The following GRM3 variants were observed in gnomAD, a reference collection of about 807,000 sequenced individuals.
The protein encoded by GRM3 is glutamate metabotropic receptor 3, also known as metabotropic glutamate receptor 3.
Under a neutral mutation model 70.5 loss-of-function variants are expected in GRM3, and 26 were observed. That is an observed-to-expected ratio of 0.37 (90% confidence interval 0.27 to 0.51). GRM3 has a LOEUF of 0.51. GRM3 is among the 20% of genes least tolerant of loss of function. The probability of loss-of-function intolerance (pLI) is 0.93; values close to 1 mark genes in which losing one functional copy is unlikely to be tolerated. For synonymous variants in GRM3, 443 were observed against 434.9 expected (o/e 1.02, Z -0.23); for missense variants, 859 against 1,123.8 (o/e 0.76, Z 3.37).
intron 3 of GRM3, among the ~76,000 whole-genome samples, chr7:86,818,700 A>C (rs1798062776): frequency 1.3e-5 from 2 of 152,130 alleles, no homozygotes; most frequent in Non-Finnish European, 1.5e-5. Flanking sequence ...AGATATTATT[A>C]AGTAAAAAAT....
intron 1 of GRM3, among the ~76,000 whole-genome samples, chr7:86,721,082 G>T (rs1432728702): frequency 6.6e-6 from 1 of 151,974 alleles, no homozygotes; most frequent in African/African-American, 2.4e-5. Context: ...TCACCTGCCT[G>T]GGCCGCTAAC....
chr7:86,784,446 A>C (rs996545947), intron 2 of GRM3: 1 of 152,132 alleles, frequency 6.6e-6, no homozygotes, highest in Non-Finnish European at 1.5e-5. Flanking sequence ...CTAGCCAGAA[A>C]CCTCTTAACA....
intron 2 of GRM3, among the ~76,000 whole-genome samples, chr7:86,769,765 G>T (rs1221356584): frequency 6.6e-6 from 1 of 152,146 alleles, no homozygotes; most frequent in Non-Finnish European, 1.5e-5. Context: ...AGTACAACAA[G>T]CCAGTCTGCT....
chr7:86,862,215 T>C (rs896591790), intron 5 of GRM3, among the ~76,000 whole-genome samples: 3 of 152,148 alleles, frequency 2.0e-5, no homozygotes, highest in Non-Finnish European at 2.9e-5. Context: ...AAGTAGGCAG[T>C]TGGATACAAA....
intron 2 of GRM3, among the ~76,000 whole-genome samples, chr7:86,766,094 A>G (rs1427665296): frequency 6.6e-6 from 1 of 152,150 alleles, no homozygotes; most frequent in Non-Finnish European, 1.5e-5. Flanking sequence ...CTGACATCCC[A>G]TTAGCAAAAG....
intron 3 of GRM3, among the ~76,000 whole-genome samples, chr7:86,807,645 G>A (rs1797823437): frequency 6.6e-6 from 1 of 152,084 alleles, no homozygotes; most frequent in South Asian, 2.1e-4. Context: ...GGGATTTTGG[G>A]CTGAGATGAT....
intron 1 of GRM3, among the ~76,000 whole-genome samples, chr7:86,727,740 T>G (rs1022814336): frequency 2.0e-5 from 3 of 152,126 alleles, no homozygotes; most frequent in African/African-American, 7.2e-5. Flanking sequence ...TCAGTCCCCA[T>G]ATGTATGAGT....
intron 1 of GRM3, among the ~76,000 whole-genome samples, chr7:86,759,533 G>A (rs532890803): frequency 6.6e-6 from 1 of 152,216 alleles, no homozygotes; most frequent in African/African-American, 2.4e-5. Flanking sequence ...CTGTGTGTGA[G>A]GCACTGTGGA....
At chr7:86,682,413 A>G (rs961048629) in intron 1 of GRM3, among the ~76,000 whole-genome samples, 26 of 152,304 alleles carry the variant, frequency 1.7e-4, no homozygotes, top group Admixed American at 5.9e-4. Context: ...CTATGTACCC[A>G]GTAAGATAAA....
chr7:86,825,077 T>C (rs1798204075), intron 3 of GRM3, among the ~76,000 whole-genome samples: 1 of 152,198 alleles, frequency 6.6e-6, no homozygotes, highest in African/African-American at 2.4e-5. Context: ...TTTATTCTTT[T>C]CATTTTTTTG....
At chr7:86,776,189 G>A (rs994267435) in intron 2 of GRM3, among the ~76,000 whole-genome samples, 7 of 152,102 alleles carry the variant, frequency 4.6e-5, no homozygotes, top group Non-Finnish European at 8.8e-5. Flanking sequence ...TGCTTCATAT[G>A]TTTTCATTTA....
At chr7:86,708,963 A>ATT (rs1795127759) in intron 1 of GRM3, among the ~76,000 whole-genome samples, 2 of 150,948 alleles carry the variant, frequency 1.3e-5, no homozygotes, top group African/African-American at 4.9e-5. Flanking sequence ...ACACACACAA[A>ATT]CAGAGTTAAA....
chr7:86,660,495 T>C (rs865836510), intron 1 of GRM3, among the ~76,000 whole-genome samples: 2 of 151,994 alleles, frequency 1.3e-5, no homozygotes, highest in African/African-American at 4.8e-5. Context: ...AAAAACAGAA[T>C]GCTTGATAAT....
Position 86,746,375 on chromosome 7 carries a change from A to ATATATATATAT in GRM3, c.-140-18631_-140-18630insTATATATATAT, listed in dbSNP as rs1562846667. Among the ~76,000 whole-genome samples the ATATATATATAT allele has an allele frequency of 1.9e-3, 265 of 136,882 alleles. 1 individual carries two copies. Among genetic ancestry groups the ATATATATATAT allele is most frequent in the Middle Eastern group, 3.8e-3 (1 of 266 alleles). 89.8% of individuals were successfully genotyped at this position (136,882 alleles called of 152,430 possible). A position where few individuals can be genotyped will look rare whatever the true frequency, so the allele number is the denominator to read the frequency against. On this transcript the variant is annotated intron_variant, in intron 1 of 5. Transcript: ENST00000361669. ...TATATATATATATATATATATATATAATCACTTCAATAGAATTCTGTGCTG... is the reference window on the plus strand; with the variant it reads ...TATATATATATATATATATATATATATATATATATATATCACTTCAATAGAATTCTGTGCTG...
chr7:86,709,379 A>C (rs113420715), intron 1 of GRM3, among the ~76,000 whole-genome samples: 2,993 of 151,846 alleles, frequency 0.02, 83 homozygotes, highest in African/African-American at 0.06. Context: ...CCAGCTAATC[A>C]CTCATCTTAT....
At chr7:86,745,650 G>T (rs773476139) in intron 1 of GRM3, among the ~76,000 whole-genome samples, 1 of 152,072 alleles carries the variant, frequency 6.6e-6, no homozygotes, top group African/African-American at 2.4e-5. Context: ...GGCTTTTGGA[G>T]TGGAAAAATT....
At chr7:86,780,267 T>C (rs1273855396) in intron 2 of GRM3, among the ~76,000 whole-genome samples, 1 of 152,218 alleles carries the variant, frequency 6.6e-6, no homozygotes, top group African/African-American at 2.4e-5. Context: ...CAAATGGTAT[T>C]TCTAGTTCTA....
intron 1 of GRM3, among the ~76,000 whole-genome samples, chr7:86,646,674 C>A (rs1212315722): frequency 1.3e-5 from 2 of 152,022 alleles, no homozygotes; most frequent in Non-Finnish European, 2.9e-5. Flanking sequence ...AAATGTGAAA[C>A]CTAAATCATA....
In GRM3 at chr7:86,644,817, C is replaced by T. The variant is rs1287674430; in HGVS notation, c.-196C>T. The T allele has an allele frequency of 8.5e-6, 11 of 1,289,570 alleles. No homozygotes were observed. Among genetic ancestry groups the T allele is most frequent in the African/African-American group, 1.5e-5 (1 of 65,856 alleles). 79.9% of individuals were successfully genotyped at this position (1,289,570 alleles called of 1,614,324 possible). A position where few individuals can be genotyped will look rare whatever the true frequency, so the allele number is the denominator to read the frequency against. On this transcript the variant is annotated 5_prime_UTR_variant, in exon 1 of 6. Transcript: ENST00000361669. ...AGCCAGAGCCCGGGTGCAGGCTCAC[C>T]GCCGCCGCTGCCACCGCGGTCAGCT...
Sources: allele counts gnomAD v4.1 joint callset (sites outside exome capture counted in the v4.1 genomes callset), GRCh38; gene constraint gnomAD v4.1.1; transcripts MANE v1.5; gene names NCBI Gene and HGNC (gene_info 2026-07-23, HGNC 2026-07-21).